The following CLVS2 variants were observed in gnomAD, a reference collection of about 807,000 sequenced individuals.
CLVS2 encodes clavesin-2.
A neutral mutation model predicts 29.0 loss-of-function variants in CLVS2; 19 were observed. The ratio of observed to expected loss-of-function variants is 0.66; its 90% CI spans 0.46 to 0.96. The LOEUF (loss-of-function observed/expected upper bound fraction) is 0.96, where lower values mean the gene tolerates loss of function less well. Ranked by LOEUF, CLVS2 falls within the 40% of genes least tolerant of loss-of-function variation. CLVS2 has a pLI of 0.00. For synonymous variants in CLVS2, 161 were observed against 151.3 expected, an observed-to-expected ratio of 1.06 and a Z score of -0.47; for missense variants, 294 against 404.1, an observed-to-expected ratio of 0.73 and a Z score of 2.34.
rs1279807291 is a variant in CLVS2, at chr6:123,020,446, A to G, written c.564+9287A>G. 2.0e-5 allele frequency among the ~76,000 whole-genome samples: 3 copies of G among 152,038 alleles called. No individual in the cohort carries two copies. In the East Asian group the frequency reaches 5.8e-4, roughly 29 times the overall value. On this transcript the variant is annotated intron_variant, in intron 3 of 5. Transcript: ENST00000275162. ...TGCCTTGAAGTTAGAAATCATCCAA[A>G]TTTGGGATTCAGTTGTCATACAATG...
Position 123,069,110 on chromosome 6 carries a change from A to G in CLVS2, c.*5349A>G, listed in dbSNP as rs1772903086. 1 of 151,776 alleles carries G rather than the reference A, an allele frequency of 6.6e-6. No individual in the cohort carries two copies. The highest frequency in any genetic ancestry group is 1.5e-5 in the Non-Finnish European group (1 of 67,808). The allele number at this position is 151,776 out of a possible 1,614,324, so 9.4% of individuals were successfully genotyped here. A position where few individuals can be genotyped will look rare whatever the true frequency, so the allele number is the denominator to read the frequency against. Reference sequence around the variant, plus strand: ...ATATATAGTAATTTGTTTCATCAAAATGACGTATTCAATATTCTATAACTT... The same window carrying G: ...ATATATAGTAATTTGTTTCATCAAAGTGACGTATTCAATATTCTATAACTT... On this transcript the variant is annotated 3_prime_UTR_variant, in exon 6 of 6. Coordinates refer to ENST00000275162, the MANE Select transcript of CLVS2 (RefSeq NM_001010852.4).
rs1261961226 is a variant in CLVS2 at position 123,072,922 on chromosome 6, T to C, written c.*9161T>C. On this transcript the variant is annotated 3_prime_UTR_variant, in exon 6 of 6. Coordinates refer to ENST00000275162, the MANE Select transcript of CLVS2 (RefSeq NM_001010852.4). ...TAAATAAAATGTCACTAAATGAAAC[T>C]TCAGATTCAGAAATGCGTGTGTGTG... is the stretch of plus-strand genomic sequence containing the variant. The C allele has an allele frequency of 6.6e-6, 1 of 152,096 alleles. No individual in the cohort carries two copies. Among genetic ancestry groups the C allele is most frequent in the African/African-American group, 2.4e-5 (1 of 41,434 alleles). The allele number at this position is 152,096 out of a possible 1,614,324, so 9.4% of individuals were successfully genotyped here. A position where few individuals can be genotyped will look rare whatever the true frequency, so the allele number is the denominator to read the frequency against.
intron 3 of CLVS2, among the ~76,000 whole-genome samples, chr6:123,012,961 A>G (rs1774772552): frequency 6.6e-6 from 1 of 151,958 alleles, no homozygotes; most frequent in Admixed American, 6.6e-5. Context: ...TTAAGTTCAA[A>G]TTGACTTTTT....
intron 3 of CLVS2, among the ~76,000 whole-genome samples, chr6:123,018,384 G>A (rs140470361): frequency 0.011 from 1,638 of 152,010 alleles, 37 homozygotes; most frequent in African/African-American, 0.037. Context: ...GGACTCAATG[G>A]CATCGGTTTT....
intron 3 of CLVS2, among the ~76,000 whole-genome samples, chr6:123,038,416 C>T (rs1163945360): frequency 2.6e-5 from 4 of 152,072 alleles, no homozygotes; most frequent in African/African-American, 9.7e-5. Flanking sequence ...TTAATTAATG[C>T]TTACAGTGCT....
intron 3 of CLVS2, among the ~76,000 whole-genome samples, chr6:123,027,942 G>T (rs1775027151): frequency 6.6e-6 from 1 of 152,176 alleles, no homozygotes; most frequent in African/African-American, 2.4e-5. Context: ...TTACAGAGAA[G>T]TACATTAATA....
intron 3 of CLVS2, among the ~76,000 whole-genome samples, chr6:123,020,772 T>C (rs937880767): frequency 2.0e-4 from 31 of 152,210 alleles, no homozygotes; most frequent in African/African-American, 7.2e-4. Flanking sequence ...AATTACATTA[T>C]CATTACTTAG....
At position 122,997,582 on chromosome 6, in the gene CLVS2, G is replaced by C. The variant is rs1009036982; in HGVS notation, c.-196G>C. ...CAGAGGAAGAAGTTTACACCCCCCG[G>C]CCCCCCCAGCTTTGCTGGGGGAAAG... On this transcript the variant is annotated 5_prime_UTR_variant, in exon 2 of 6. Transcript: ENST00000275162. 15 of 610,794 alleles carry C rather than the reference G, an allele frequency of 2.5e-5. No individual in the cohort carries two copies. The highest frequency in any genetic ancestry group is 6.0e-5 in the Admixed American group (2 of 33,094). 37.8% of individuals were successfully genotyped at this position (610,794 alleles called of 1,614,324 possible).
rs1312338953 is a variant in CLVS2, at chr6:123,068,143, TA to T, written c.*4383del. On this transcript the variant is annotated 3_prime_UTR_variant, in exon 6 of 6. Transcript: ENST00000275162. ...AATTCTCCAGTACCATAGGAAAATATATAAGATAACAACTTTGTGGATTGAA... is the reference window on the plus strand; with the variant it reads ...AATTCTCCAGTACCATAGGAAAATATTAAGATAACAACTTTGTGGATTGAA... 2 of 151,672 alleles carry T rather than the reference TA, an allele frequency of 1.3e-5. No homozygotes were observed. The highest frequency in any genetic ancestry group is 4.8e-5 in the African/African-American group (2 of 41,400). The allele number at this position is 151,672 out of a possible 1,614,324, so 9.4% of individuals were successfully genotyped here.
At chr6:123,012,964 G>A (rs1774772611) in intron 3 of CLVS2, among the ~76,000 whole-genome samples, 1 of 151,890 alleles carries the variant, frequency 6.6e-6, no homozygotes, top group African/African-American at 2.4e-5. Context: ...AGTTCAAATT[G>A]ACTTTTTAAT....
rs184072653 is a variant in CLVS2, at chr6:123,030,010, C to A, written c.565-18612C>A. On this transcript the variant is annotated intron_variant, in intron 3 of 5. Coordinates refer to ENST00000275162, the MANE Select transcript of CLVS2 (RefSeq NM_001010852.4). Reference sequence around the variant, plus strand: ...CTTCACTTAGTGAAATGCTCATAACCTCTGCACACTGGACATTTACCAAGT... The same window carrying A: ...CTTCACTTAGTGAAATGCTCATAACATCTGCACACTGGACATTTACCAAGT... 3.9e-5 allele frequency among the ~76,000 whole-genome samples: 6 copies of A among 152,276 alleles called. No individual in the cohort carries two copies. The East Asian group carries it at 9.7e-4, about 25-fold the overall frequency.
At chr6:123,016,804 C>A (rs1235946153) in intron 3 of CLVS2, among the ~76,000 whole-genome samples, 1 of 151,990 alleles carries the variant, frequency 6.6e-6, no homozygotes, top group African/African-American at 2.4e-5. Flanking sequence ...GACTCAAGGG[C>A]CCAGTGTTAC....
chr6:123,003,971 T>C (rs2114298806), intron 2 of CLVS2, among the ~76,000 whole-genome samples: 1 of 152,326 alleles, frequency 6.6e-6, no homozygotes, highest in Non-Finnish European at 1.5e-5. Context: ...TGTGTGTGTG[T>C]GTAGACAGTT....
At chr6:122,998,748 C>T (rs1446963157) in intron 2 of CLVS2, among the ~76,000 whole-genome samples, 1 of 152,134 alleles carries the variant, frequency 6.6e-6, no homozygotes, top group East Asian at 1.9e-4. Flanking sequence ...AGAGTTGCAT[C>T]CTCTGTCGCT....
At chr6:123,044,442 G>A (rs1775279177) in intron 3 of CLVS2, among the ~76,000 whole-genome samples, 1 of 152,040 alleles carries the variant, frequency 6.6e-6, no homozygotes. Flanking sequence ...AGGATCTATG[G>A]CCTGTGTTTT....
chr6:123,016,039 T>C (rs2114313961), intron 3 of CLVS2, among the ~76,000 whole-genome samples: 1 of 147,840 alleles, frequency 6.8e-6, no homozygotes, highest in African/African-American at 2.5e-5. Context: ...TTTTTTTTTT[T>C]TTTTTTTTTG....
rs748057137 is a variant in CLVS2 at position 123,063,801 on chromosome 6, G to A, written c.*40G>A. ...CCCCTTCATGGATTAGAAATGGAAA[G>A]TATTGGTTTTCAGCAACAGGGACAA... On this transcript the variant is annotated 3_prime_UTR_variant, in exon 6 of 6. Coordinates refer to ENST00000275162, the MANE Select transcript of CLVS2 (RefSeq NM_001010852.4). 9.2e-6 allele frequency: 13 copies of A among 1,407,186 alleles called. No individual in the cohort carries two copies. The highest frequency in any genetic ancestry group is 2.8e-5 in the African/African-American group (2 of 70,700). 87.2% of individuals were successfully genotyped at this position (1,407,186 alleles called of 1,614,324 possible).
At chr6:123,052,833 C>T (rs1772632968) in intron 4 of CLVS2, among the ~76,000 whole-genome samples, 1 of 136,362 alleles carries the variant, frequency 7.3e-6, no homozygotes. Context: ...TTTGCAGCAG[C>T]CATTGAATAT....
At chr6:123,012,092 C>T (rs948333858) in intron 3 of CLVS2, among the ~76,000 whole-genome samples, 1 of 151,902 alleles carries the variant, frequency 6.6e-6, no homozygotes, top group African/African-American at 2.4e-5. Flanking sequence ...CTGAATAAGA[C>T]ACACTGATGT....
Sources: gnomAD v4.1 joint callset for allele counts (sites outside exome capture counted in the v4.1 genomes callset) on GRCh38, gnomAD v4.1.1 for gene constraint, MANE v1.5 for transcripts, NCBI Gene and HGNC (gene_info 2026-07-23, HGNC 2026-07-21) for gene names.